EPHA4: variants seen among roughly 807,000 people sequenced by gnomAD.
EPHA4 encodes the protein EPH receptor A4.
A neutral mutation model predicts 108.3 loss-of-function variants in EPHA4; 19 were observed. That is an observed-to-expected ratio of 0.18 (90% CI 0.12 to 0.26). EPHA4 has a LOEUF of 0.26. Ranked by LOEUF, EPHA4 falls within the 10% of genes least tolerant of loss-of-function variation. EPHA4 has a pLI of 1.00. For synonymous variants in EPHA4, 449 were observed against 455.5 expected (o/e 0.99, Z 0.18); for missense variants, 917 against 1,254.0 (o/e 0.73, Z 4.06).
intron 5 of EPHA4, among the ~76,000 whole-genome samples, chr2:221,475,268 T>C (rs1234435877): frequency 6.6e-6 from 1 of 152,178 alleles, no homozygotes; most frequent in Non-Finnish European, 1.5e-5. Flanking sequence ...AGAATATCAG[T>C]GAAGCATGTC....
At chr2:221,513,371 G>T (rs1316386864) in intron 3 of EPHA4, among the ~76,000 whole-genome samples, 1 of 152,218 alleles carries the variant, frequency 6.6e-6, no homozygotes, top group African/African-American at 2.4e-5. Flanking sequence ...ATAATTATTT[G>T]ATTAACTCCG....
At chr2:221,563,208 C>G (rs532550301) in intron 3 of EPHA4, among the ~76,000 whole-genome samples, 1 of 152,242 alleles carries the variant, frequency 6.6e-6, no homozygotes, top group East Asian at 1.9e-4. Context: ...GTCATATCTC[C>G]ACCGGTCCAC....
chr2:221,487,108 G>T (rs1166277604), intron 4 of EPHA4, among the ~76,000 whole-genome samples: 1 of 150,208 alleles, frequency 6.7e-6, no homozygotes, highest in African/African-American at 2.5e-5. Flanking sequence ...GGTTACTTCT[G>T]CTGGGAGAGA....
chr2:221,421,180 C>T (rs1056627580), intron 17 of EPHA4, among the ~76,000 whole-genome samples: 27 of 152,122 alleles, frequency 1.8e-4, no homozygotes, highest in Admixed American at 5.2e-4. Context: ...GCCTGTAGTC[C>T]CGGCTACTCG....
Position 221,566,969 on chromosome 2 carries a change from G to GAAGAAGAAGAA in EPHA4, c.159+1748_159+1749insTTCTTCTTCTT. On this transcript the variant is annotated intron_variant, in intron 2 of 17. Transcript: ENST00000281821. ...GAGAAGGAGAAGGGGAAGAGGAAGA[G>GAAGAAGAAGAA]GAAGAAGAAGAAGAAGAAGAAGAAG... 1.1e-3 allele frequency among the ~76,000 whole-genome samples: 30 copies of GAAGAAGAAGAA among 27,634 alleles called. 8 individuals carry two copies. The highest frequency in any genetic ancestry group is 2.6e-3 in the South Asian group (2 of 782). 18.1% of individuals were successfully genotyped at this position (27,634 alleles called of 152,430 possible).
chr2:221,556,800 ATT>A (rs1347245355), intron 3 of EPHA4, among the ~76,000 whole-genome samples: 1 of 152,166 alleles, frequency 6.6e-6, no homozygotes, highest in South Asian at 2.1e-4. Flanking sequence ...ATTAAGATAT[ATT>A]GTTATAATTG....
chr2:221,447,489 G>A (rs946920460), intron 8 of EPHA4, among the ~76,000 whole-genome samples: 1 of 152,066 alleles, frequency 6.6e-6, no homozygotes, highest in South Asian at 2.1e-4. Context: ...AGCGGATCCC[G>A]GTCACATGCT....
At chr2:221,515,688 G>T (rs1559275075) in intron 3 of EPHA4, among the ~76,000 whole-genome samples, 1 of 152,076 alleles carries the variant, frequency 6.6e-6, no homozygotes, top group Admixed American at 6.5e-5. Context: ...ATAGTGGCAT[G>T]CACCTGTAGT....
In EPHA4 at chr2:221,434,248, G is replaced by A. The variant is rs1206570737; in HGVS notation, c.2390C>T (p.Ala797Val). Residue 797 changes from alanine (A) to valine (V), a missense_variant, in exon 14 of 18, where the codon GCC becomes GTC. Ala to Val is a moderately conservative substitution (Grantham distance 64). Around this residue, in one of 3 missense-constraint regions of EPHA4, gnomAD observed 758 missense variants for 1,076.7 expected, o/e 0.70. Transcript: ENST00000281821. ...PIRWTAPEAIAYRKFTSASDV... is the reference protein window; with the variant it reads ...PIRWTAPEAIVYRKFTSASDV... The stretch of plus-strand genomic sequence containing the variant: ...ACTTGCTGATGTGAATTTACGATAG[G>A]CAATTGCTTCTGGCGCAGTCCACCG... 1 of 1,614,014 alleles carries A rather than the reference G, an allele frequency of 6.2e-7. No individual in the cohort carries two copies. The highest frequency in any genetic ancestry group is 1.7e-5 in the Admixed American group (1 of 60,002).
chr2:221,550,438 A>C (rs1694123389), intron 3 of EPHA4, among the ~76,000 whole-genome samples: 1 of 151,878 alleles, frequency 6.6e-6, no homozygotes, highest in Non-Finnish European at 1.5e-5. Context: ...AGAGAGAGAG[A>C]GAGAGAGAGA....
At chr2:221,468,675 T>C (rs1691390852) in intron 5 of EPHA4, among the ~76,000 whole-genome samples, 1 of 152,224 alleles carries the variant, frequency 6.6e-6, no homozygotes, top group Non-Finnish European at 1.5e-5. Flanking sequence ...TTGCCTTTAC[T>C]TTTCACACTC....
At chr2:221,563,604 A>C in intron 3 of EPHA4, 127 bp downstream of exon 3, 1 of 1,076,344 alleles carries the variant, frequency 9.3e-7, no homozygotes, top group Non-Finnish European at 1.3e-6. Context: ...CTTACTCATT[A>C]GACCCCTGTG....
chr2:221,423,159 A>C (rs1192968900), intron 17 of EPHA4, among the ~76,000 whole-genome samples: 4 of 152,262 alleles, frequency 2.6e-5, no homozygotes, highest in Non-Finnish European at 5.9e-5. Context: ...TGTTTTACTT[A>C]AGAATATTTC....
chr2:221,476,826 G>A (rs546252243), intron 5 of EPHA4, among the ~76,000 whole-genome samples: 1 of 152,208 alleles, frequency 6.6e-6, no homozygotes, highest in Admixed American at 6.5e-5. Context: ...GAAAGAATGG[G>A]AACTTACCAG....
intron 4 of EPHA4, among the ~76,000 whole-genome samples, chr2:221,487,427 G>T (rs1559262624): frequency 6.6e-6 from 1 of 152,240 alleles, no homozygotes; most frequent in East Asian, 1.9e-4. Context: ...AATTGGGATT[G>T]GTTATTACAC....
intron 10 of EPHA4, 152 bp from the exon 11 acceptor site, chr2:221,443,166 G>A (rs1574566832): frequency 1.3e-6 from 1 of 795,280 alleles, no homozygotes; most frequent in Non-Finnish European, 1.9e-6. Flanking sequence ...CAACCCTGAA[G>A]TAGATGCTAC....
At chr2:221,550,499 A>T (rs984142687) in intron 3 of EPHA4, among the ~76,000 whole-genome samples, 4 of 151,908 alleles carry the variant, frequency 2.6e-5, no homozygotes, top group African/African-American at 9.7e-5. Context: ...ATTCAAAATA[A>T]ACAATAAAAA....
intron 3 of EPHA4, among the ~76,000 whole-genome samples, chr2:221,556,732 T>C (rs1251818600): frequency 6.6e-6 from 1 of 152,136 alleles, no homozygotes; most frequent in Non-Finnish European, 1.5e-5. Flanking sequence ...TACAGTAAGA[T>C]ATTTTTGAGA....
intron 5 of EPHA4, among the ~76,000 whole-genome samples, chr2:221,473,650 T>A (rs1213442068): frequency 6.6e-6 from 1 of 151,900 alleles, no homozygotes; most frequent in Non-Finnish European, 1.5e-5. Context: ...GATGTTCAAT[T>A]GCAGACTGGT....
Sources: allele counts gnomAD v4.1 joint callset (sites outside exome capture counted in the v4.1 genomes callset), GRCh38; gene constraint gnomAD v4.1.1; regional missense constraint gnomAD v4.1.1; transcripts MANE v1.5; gene names NCBI Gene and HGNC (gene_info 2026-07-23, HGNC 2026-07-21).